GALNT17: variants seen among roughly 807,000 people sequenced by gnomAD.
GALNT17 encodes UDP-GalNAc:polypeptide N-acetylgalactosaminyltransferase-like 3.
GALNT17 carries 29 observed loss-of-function variants against 63.7 expected under a neutral mutation model. The ratio of observed to expected loss-of-function variants is 0.46; its 90% confidence interval spans 0.34 to 0.62. The LOEUF (loss-of-function observed/expected upper bound fraction) is 0.62. GALNT17 is among the 20% of genes least tolerant of loss of function. GALNT17 has a pLI of 0.01. For synonymous variants in GALNT17, 305 were observed against 318.3 expected, an observed-to-expected ratio of 0.96 and a Z score of 0.45; for missense variants, 603 against 799.6, an observed-to-expected ratio of 0.75 and a Z score of 2.97.
intron 1 of GALNT17, among the ~76,000 whole-genome samples, chr7:71,302,526 G>A (rs2115887785): frequency 6.6e-6 from 1 of 151,844 alleles, no homozygotes; most frequent in African/African-American, 2.4e-5. Flanking sequence ...TACATGTGCA[G>A]GGCCATGTGC....
At chr7:71,410,230 C>T (rs1793405757) in intron 3 of GALNT17, among the ~76,000 whole-genome samples, 1 of 150,722 alleles carries the variant, frequency 6.6e-6, no homozygotes, top group South Asian at 2.1e-4. Flanking sequence ...TTTTAATTTT[C>T]CCCTCACTTC....
intron 9 of GALNT17, among the ~76,000 whole-genome samples, chr7:71,697,842 G>T (rs1259423575): frequency 6.6e-6 from 1 of 152,106 alleles, no homozygotes; most frequent in East Asian, 1.9e-4. Context: ...GGTTGTATCA[G>T]CCGGGAGTGG....
At chr7:71,318,430 GT>G (rs1791541632) in intron 1 of GALNT17, among the ~76,000 whole-genome samples, 1 of 55,284 alleles carries the variant, frequency 1.8e-5, no homozygotes, top group Non-Finnish European at 4.0e-5. Flanking sequence ...TTGTGTGTGT[GT>G]GGGGGGTGGG....
At chr7:71,670,355 G>C (rs1255083599) in intron 8 of GALNT17, among the ~76,000 whole-genome samples, 2 of 152,142 alleles carry the variant, frequency 1.3e-5, no homozygotes, top group Non-Finnish European at 2.9e-5. Context: ...AGCAGATAAT[G>C]AATCCTGTTT....
At chr7:71,651,886 A>G (rs1790759355) in intron 6 of GALNT17, among the ~76,000 whole-genome samples, 1 of 151,716 alleles carries the variant, frequency 6.6e-6, no homozygotes, top group South Asian at 2.1e-4. Flanking sequence ...TAATTTTTAA[A>G]TGTTTTCTTA....
chr7:71,654,087 C>T (rs759687815), intron 6 of GALNT17, among the ~76,000 whole-genome samples: 4 of 152,160 alleles, frequency 2.6e-5, no homozygotes, highest in Non-Finnish European at 4.4e-5. Context: ...ACAATCTAGG[C>T]TCATTGCAGC....
chr7:71,400,593 TG>T (rs1793222300), intron 3 of GALNT17, among the ~76,000 whole-genome samples: 1 of 152,224 alleles, frequency 6.6e-6, no homozygotes, highest in Middle Eastern at 3.2e-3. Flanking sequence ...TATGAGTAAA[TG>T]TTTCTTTCCA....
At chr7:71,653,004 TTGTTTG>T (rs66493606) in intron 6 of GALNT17, among the ~76,000 whole-genome samples, 137,390 of 151,748 alleles carry the variant, frequency 0.91, 63,750 homozygotes, top group South Asian at 1. Flanking sequence ...TTTTGTTTGT[TTGTTTG>T]TGTTTGTTTT....
chr7:71,445,747 A>G (rs1176947631), intron 5 of GALNT17, among the ~76,000 whole-genome samples: 1 of 152,118 alleles, frequency 6.6e-6, no homozygotes, highest in Non-Finnish European at 1.5e-5. Context: ...TACCTCTCCC[A>G]GCTCCCTGGA....
At chr7:71,400,322 A>G (rs1388610915) in intron 3 of GALNT17, among the ~76,000 whole-genome samples, 1 of 152,142 alleles carries the variant, frequency 6.6e-6, no homozygotes, top group Non-Finnish European at 1.5e-5. Flanking sequence ...CTTGCAAGAC[A>G]TGAGCTCATT....
At chr7:71,177,549 T>C (rs534541797) in intron 1 of GALNT17, among the ~76,000 whole-genome samples, 1 of 151,952 alleles carries the variant, frequency 6.6e-6, no homozygotes, top group South Asian at 2.1e-4. Context: ...CCCTTCTGCC[T>C]GGGGAGAAGG....
intron 1 of GALNT17, among the ~76,000 whole-genome samples, chr7:71,172,934 A>G (rs1180730935): frequency 6.6e-6 from 1 of 152,168 alleles, no homozygotes; most frequent in Non-Finnish European, 1.5e-5. Context: ...GGAACAGCAA[A>G]ACTGAGAGAA....
intron 1 of GALNT17, among the ~76,000 whole-genome samples, chr7:71,197,402 G>T (rs1383529141): frequency 6.6e-6 from 1 of 150,966 alleles, no homozygotes; most frequent in Non-Finnish European, 1.5e-5. Flanking sequence ...TGGAGACGGG[G>T]TTTCACCGTG....
intron 1 of GALNT17, among the ~76,000 whole-genome samples, chr7:71,228,354 A>G (rs992546801): frequency 2.0e-5 from 3 of 152,192 alleles, no homozygotes; most frequent in African/African-American, 7.2e-5. Context: ...CACTCAGCTC[A>G]GGTGACCTGG....
intron 6 of GALNT17, among the ~76,000 whole-genome samples, chr7:71,573,001 T>TTTATC (rs1789475506): frequency 6.8e-6 from 1 of 147,246 alleles, no homozygotes; most frequent in South Asian, 2.1e-4. Context: ...TTTTTATTTA[T>TTTATC]TTATTTTATT....
At position 71,627,307 on chromosome 7, in the gene GALNT17, G is replaced by C. The variant is rs547917492; in HGVS notation, c.1081-38104G>C. Among the ~76,000 whole-genome samples, 58 of 152,290 alleles carry C rather than the reference G, an allele frequency of 3.8e-4. No individual in the cohort carries two copies. The South Asian group carries it at 0.011, about 29-fold the overall frequency. ...TTGCTATGCTAGGTTACCCACACTG[G>C]AGCAACAGCCTTTCCAGGGGAGGAT... On this transcript the variant is annotated intron_variant, in intron 6 of 10. Coordinates refer to ENST00000333538, the MANE Select transcript of GALNT17 (RefSeq NM_022479.3).
intron 1 of GALNT17, among the ~76,000 whole-genome samples, chr7:71,237,884 A>C (rs1351699327): frequency 2.6e-5 from 4 of 152,024 alleles, no homozygotes; most frequent in African/African-American, 9.7e-5. Flanking sequence ...GGTGGACTAG[A>C]TCTTTGTGTG....
At chr7:71,427,020 A>G (rs927101676) in intron 5 of GALNT17, among the ~76,000 whole-genome samples, 7 of 152,044 alleles carry the variant, frequency 4.6e-5, no homozygotes, top group African/African-American at 1.7e-4. Flanking sequence ...TATACCAATT[A>G]TTATTAGATT....
intron 1 of GALNT17, among the ~76,000 whole-genome samples, chr7:71,210,704 A>C (rs1427292381): frequency 6.6e-6 from 1 of 152,064 alleles, no homozygotes; most frequent in Non-Finnish European, 1.5e-5. Flanking sequence ...ATCTCACTCC[A>C]CCCCATGGAA....
Sources: allele counts gnomAD v4.1 joint callset (sites outside exome capture counted in the v4.1 genomes callset), GRCh38; gene constraint gnomAD v4.1.1; transcripts MANE v1.5; gene names NCBI Gene and HGNC (gene_info 2026-07-23, HGNC 2026-07-21).